Variants in CMSS1 observed in about 807,000 individuals in gnomAD.
CMSS1 encodes cms1 ribosomal small subunit homolog.
In CMSS1, 33 loss-of-function variants were observed where a neutral mutation model predicts 43.5. The ratio of observed to expected loss-of-function variants is 0.76; its 90% CI spans 0.57 to 1.01. The LOEUF is 1.01. Ranked by LOEUF, CMSS1 falls within the 50% of genes least tolerant of loss-of-function variation. The pLI is 0.00. For missense variants in CMSS1, 313 were observed against 326.4 expected, an observed-to-expected ratio of 0.96 and a Z score of 0.32; for synonymous variants, 115 against 117.2, an observed-to-expected ratio of 0.98 and a Z score of 0.12.
chr3:99,931,722 A>T (rs1459712897), intron 1 of CMSS1, among the ~76,000 whole-genome samples: 2 of 152,216 alleles, frequency 1.3e-5, no homozygotes, highest in East Asian at 3.8e-4. Flanking sequence ...CAAAGCGGAG[A>T]TACTACTACC....
intron 1 of CMSS1, among the ~76,000 whole-genome samples, chr3:100,031,155 A>G (rs1157538950): frequency 6.6e-6 from 1 of 152,148 alleles, no homozygotes; most frequent in Non-Finnish European, 1.5e-5. Context: ...TAGACTATGT[A>G]CTTAAATGTC....
rs79536734 is a variant in CMSS1 at position 99,894,951 on chromosome 3, T to G, written c.64+76908T>G. Reference sequence around the variant, plus strand: ...CTATGTGTTACACGAAACATGATATTTAATTAACAAATGTGTTCCAGGTTC... The same window carrying G: ...CTATGTGTTACACGAAACATGATATGTAATTAACAAATGTGTTCCAGGTTC... On this transcript the variant is annotated intron_variant, in intron 1 of 9. Transcript: ENST00000421999. Among the ~76,000 whole-genome samples, 687 of 152,298 alleles carry G rather than the reference T, an allele frequency of 4.5e-3. 7 individuals carry two copies. The highest frequency in any genetic ancestry group is 0.016 in the African/African-American group (673 of 41,558).
Position 100,180,875 on chromosome 3 carries a change from G to A in CMSS1, c.*2487G>A, listed in dbSNP as rs1287085911. 2 of 152,096 alleles carry A rather than the reference G, an allele frequency of 1.3e-5. No homozygotes were observed. The highest frequency in any genetic ancestry group is 4.8e-5 in the African/African-American group (2 of 41,388). 9.4% of individuals were successfully genotyped at this position (152,096 alleles called of 1,614,324 possible). A position where few individuals can be genotyped will look rare whatever the true frequency, so the allele number is the denominator to read the frequency against. ...TGCTATGAAGAACTACCTGAGACTG[G>A]GTAGTTTATAATGAAAAGAGGTTTA... On this transcript the variant is annotated 3_prime_UTR_variant, in exon 10 of 10. Transcript: ENST00000421999.
chr3:99,967,396 A>G (rs1298469989), intron 1 of CMSS1, among the ~76,000 whole-genome samples: 2 of 152,242 alleles, frequency 1.3e-5, no homozygotes, highest in African/African-American at 4.8e-5. Context: ...AAGAGTAAAT[A>G]GAAGTGTTCA....
chr3:100,118,021 G>A (rs1471311709), intron 1 of CMSS1, among the ~76,000 whole-genome samples: 1 of 150,722 alleles, frequency 6.6e-6, no homozygotes, highest in Non-Finnish European at 1.5e-5. Flanking sequence ...ACTTATATAA[G>A]GTACCCAGAA....
intron 1 of CMSS1, among the ~76,000 whole-genome samples, chr3:100,081,524 C>G (rs1052865896): frequency 1.3e-5 from 2 of 152,184 alleles, no homozygotes; most frequent in Non-Finnish European, 2.9e-5. Context: ...CTGTGGATAG[C>G]TCAGGGATTA....
intron 1 of CMSS1, among the ~76,000 whole-genome samples, chr3:99,969,120 AG>A (rs1708740812): frequency 6.6e-6 from 1 of 152,152 alleles, no homozygotes; most frequent in African/African-American, 2.4e-5. Flanking sequence ...CCATGTGTGG[AG>A]GGCAGGGCAG....
chr3:99,856,218 G>C (rs750952824), intron 1 of CMSS1, among the ~76,000 whole-genome samples: 26 of 152,366 alleles, frequency 1.7e-4, no homozygotes, highest in Non-Finnish European at 2.9e-4. Context: ...TTCCAACCCA[G>C]GAAGATGCAC....
chr3:100,090,773 A>G (rs2066090084), intron 1 of CMSS1, among the ~76,000 whole-genome samples: 1 of 152,212 alleles, frequency 6.6e-6, no homozygotes, highest in African/African-American at 2.4e-5. Flanking sequence ...CCACTGTCCT[A>G]GGAGCTCTCT....
chr3:99,971,076 G>A (rs9843300), intron 1 of CMSS1, among the ~76,000 whole-genome samples: 2 of 152,196 alleles, frequency 1.3e-5, no homozygotes, highest in Non-Finnish European at 2.9e-5. Context: ...GGTGGCTCAC[G>A]CCTGTAATCC....
At chr3:100,116,214 G>A (rs2066567928) in intron 1 of CMSS1, among the ~76,000 whole-genome samples, 1 of 152,060 alleles carries the variant, frequency 6.6e-6, no homozygotes, top group African/African-American at 2.4e-5. Context: ...ATATTTTGTG[G>A]GGAGATACTT....
chr3:100,175,212 A>G (rs962369126), intron 8 of CMSS1, among the ~76,000 whole-genome samples: 1 of 152,128 alleles, frequency 6.6e-6, no homozygotes, highest in Non-Finnish European at 1.5e-5. Context: ...GCAAGTAGCT[A>G]TGTTTATGTT....
chr3:100,172,311 A>G lies in CMSS1; in HGVS notation c.580-5A>G, dbSNP rs375301821. 6.8e-6 allele frequency: 11 copies of G among 1,613,120 alleles called. No homozygotes were observed. In the East Asian group the frequency reaches 2.0e-4, roughly 29 times the overall value. On this transcript the variant is annotated splice_polypyrimidine_tract_variant and splice_region_variant and intron_variant, in intron 7 of 9. Transcript: ENST00000421999. ...TTTTCTTTCTTCTCTTTCATCTTGG[A>G]ACAGGTCCAGGCGCAGGTAAAGTTG... is the stretch of plus-strand genomic sequence containing the variant.
At position 99,870,072 on chromosome 3, in the gene CMSS1, T is replaced by C. The variant is rs186204858; in HGVS notation, c.64+52029T>C. Among the ~76,000 whole-genome samples the C allele has an allele frequency of 1.4e-4, 21 of 152,322 alleles. No individual in the cohort carries two copies. The East Asian group carries it at 4.0e-3, about 29-fold the overall frequency. ...AGTGATATAATCAGTAGCTTTTATT[T>C]TTATATTGTCTCTTCTCTACTTGAT... On this transcript the variant is annotated intron_variant, in intron 1 of 9. Coordinates refer to ENST00000421999, the MANE Select transcript of CMSS1 (RefSeq NM_032359.4).
intron 1 of CMSS1, among the ~76,000 whole-genome samples, chr3:100,121,079 C>A (rs1266969511): frequency 6.6e-6 from 1 of 152,140 alleles, no homozygotes; most frequent in African/African-American, 2.4e-5. Context: ...TCCAAAGTGA[C>A]CCCTGAATTC....
At chr3:100,016,138 A>G (rs1484416328) in intron 1 of CMSS1, among the ~76,000 whole-genome samples, 1 of 151,860 alleles carries the variant, frequency 6.6e-6, no homozygotes, top group African/African-American at 2.4e-5. Context: ...TCTCTTTATC[A>G]CTCTCCTAGA....
chr3:99,894,767 G>C (rs1285592893), intron 1 of CMSS1, among the ~76,000 whole-genome samples: 1 of 152,164 alleles, frequency 6.6e-6, no homozygotes, highest in East Asian at 1.9e-4. Flanking sequence ...TTAGGTAACT[G>C]TGATAGTATG....
chr3:100,107,299 C>A (rs2066412083), intron 1 of CMSS1, among the ~76,000 whole-genome samples: 1 of 152,102 alleles, frequency 6.6e-6, no homozygotes, highest in African/African-American at 2.4e-5. Context: ...GTCATGATTG[C>A]AGTTTTATGA....
intron 1 of CMSS1, among the ~76,000 whole-genome samples, chr3:99,880,180 C>G (rs1440193823): frequency 6.6e-6 from 1 of 152,208 alleles, no homozygotes; most frequent in Non-Finnish European, 1.5e-5. Context: ...AAAGAACCTT[C>G]TCTCCATGCC....
Sources: allele counts gnomAD v4.1 joint callset (sites outside exome capture counted in the v4.1 genomes callset), GRCh38; gene constraint gnomAD v4.1.1; transcripts MANE v1.5; gene names NCBI Gene and HGNC (gene_info 2026-07-23, HGNC 2026-07-21).